FBXO16: variants seen among roughly 807,000 people sequenced by gnomAD.
The protein encoded by FBXO16 is F-box only protein 16.
FBXO16 carries 31 observed loss-of-function variants against 41.0 expected under a neutral mutation model. The ratio of observed to expected loss-of-function variants is 0.76; its 90% CI spans 0.57 to 1.02. FBXO16 has a LOEUF of 1.02. Ranked by LOEUF, FBXO16 falls within the 50% of genes least tolerant of loss-of-function variation. FBXO16 has a pLI of 0.00. For synonymous variants in FBXO16, 133 were observed against 117.8 expected (o/e 1.13, Z -0.84); for missense variants, 361 against 346.2 (o/e 1.04, Z -0.34).
At chr8:28,437,424 A>G (rs925948176) in intron 7 of FBXO16, among the ~76,000 whole-genome samples, 1 of 152,240 alleles carries the variant, frequency 6.6e-6, no homozygotes, top group Non-Finnish European at 1.5e-5. Context: ...TTTTGCCCCC[A>G]GGATTCTTCC....
intron 7 of FBXO16, among the ~76,000 whole-genome samples, chr8:28,442,370 T>G (rs1291686347): frequency 6.6e-6 from 1 of 151,992 alleles, no homozygotes; most frequent in Non-Finnish European, 1.5e-5. Flanking sequence ...CAATCAGGTC[T>G]AAGCTTTATT....
At chr8:28,451,380 G>GTTTTTTTTTTTTTTTTTTTT (rs67171132) in intron 6 of FBXO16, among the ~76,000 whole-genome samples, 1 of 138,704 alleles carries the variant, frequency 7.2e-6, no homozygotes. Context: ...CTTTGTTGTT[G>GTTTTTTTTTTTTTTTTTTTT]TTTTTTTTTT....
intron 3 of FBXO16, among the ~76,000 whole-genome samples, chr8:28,468,490 A>G (rs1277725033): frequency 1.3e-5 from 2 of 152,136 alleles, no homozygotes; most frequent in Non-Finnish European, 2.9e-5. Context: ...GAGTCCTATT[A>G]TCAAAAATTT....
At chr8:28,475,712 C>T (rs1052871337) in intron 2 of FBXO16, among the ~76,000 whole-genome samples, 2 of 152,078 alleles carry the variant, frequency 1.3e-5, no homozygotes, top group South Asian at 4.1e-4. Flanking sequence ...TTTATCTTCC[C>T]AAGTAGATTA....
intron 4 of FBXO16, among the ~76,000 whole-genome samples, chr8:28,458,215 C>T (rs1803067807): frequency 1.3e-5 from 2 of 152,214 alleles, no homozygotes; most frequent in East Asian, 3.8e-4. Context: ...CTCTGCCTCC[C>T]TCCTTCCACC....
chr8:28,481,575 G>A (rs1410822671), intron 2 of FBXO16, among the ~76,000 whole-genome samples: 2 of 151,816 alleles, frequency 1.3e-5, no homozygotes, highest in Admixed American at 6.6e-5. Context: ...ACTTTGGAAG[G>A]CTGAGGCGGG....
chr8:28,454,500 G>A (rs938200166), intron 5 of FBXO16, among the ~76,000 whole-genome samples: 17 of 151,474 alleles, frequency 1.1e-4, no homozygotes, highest in Admixed American at 8.5e-4. Context: ...AGGCCGAGGC[G>A]GGCGGATCAC....
intron 4 of FBXO16, among the ~76,000 whole-genome samples, chr8:28,457,224 T>C (rs1374006367): frequency 6.6e-6 from 1 of 152,220 alleles, no homozygotes; most frequent in Non-Finnish European, 1.5e-5. Context: ...GTAAGTACAA[T>C]TATTACTCTC....
chr8:28,482,763 G>T (rs1249499058), intron 2 of FBXO16, among the ~76,000 whole-genome samples: 3 of 150,862 alleles, frequency 2.0e-5, no homozygotes, highest in Non-Finnish European at 4.4e-5. Flanking sequence ...ATTTTTAGTA[G>T]AAACGGGGTT....
intron 1 of FBXO16, among the ~76,000 whole-genome samples, chr8:28,488,140 T>C (rs886841794): frequency 6.6e-6 from 1 of 152,134 alleles, no homozygotes; most frequent in African/African-American, 2.4e-5. Flanking sequence ...CATGAGCCAC[T>C]GCGCCCAGCC....
intron 3 of FBXO16, among the ~76,000 whole-genome samples, chr8:28,464,779 G>C (rs1042830391): frequency 6.6e-6 from 1 of 151,864 alleles, no homozygotes; most frequent in East Asian, 1.9e-4. Context: ...TCAGCCTCCC[G>C]AGTAGCTGGG....
At chr8:28,439,865 TATAAA>T (rs1802741409) in intron 7 of FBXO16, among the ~76,000 whole-genome samples, 1 of 21,592 alleles carries the variant, frequency 4.6e-5, no homozygotes, top group Non-Finnish European at 7.7e-5. Context: ...AACTCTGTTC[TATAAA>T]TTCTTCTGTT....
rs527602600 is a variant in FBXO16, at chr8:28,441,485, C to T, written c.843+5686G>A. 1.2e-4 allele frequency among the ~76,000 whole-genome samples: 18 copies of T among 152,256 alleles called. No homozygotes were observed. In the South Asian group the frequency reaches 3.7e-3, roughly 32 times the overall value. ...GCGCAGGGGCTCACGCCTGTAATCC[C>T]AGCACTTTGGGAGGCCAAGGTGGGT... On this transcript the variant is annotated intron_variant, in intron 7 of 8. Coordinates refer to ENST00000380254, the MANE Select transcript of FBXO16 (RefSeq NM_172366.4).
At position 28,429,386 on chromosome 8, in the gene FBXO16, G is replaced by A. The variant is rs775526978; in HGVS notation, c.861C>T (p.Pro287=). Residue 287 remains proline (P), a synonymous_variant, in exon 8 of 9, where the codon CCC becomes CCT. Coordinates refer to ENST00000380254, the MANE Select transcript of FBXO16 (RefSeq NM_172366.4). ...TCACAACCGAAACTCACAGTGGGAAGGGATTTCTCCTCGACATCTGGCCGC... is the reference window on the plus strand; with the variant it reads ...TCACAACCGAAACTCACAGTGGGAAAGGATTTCTCCTCGACATCTGGCCGC... ...KAQSMMSRRN[P]FPLCP 4 of 1,613,872 alleles carry A rather than the reference G, an allele frequency of 2.5e-6. No homozygotes were observed. In the African/African-American group the frequency reaches 4.0e-5, roughly 16 times the overall value.
intron 6 of FBXO16, among the ~76,000 whole-genome samples, chr8:28,450,261 T>C (rs538107223): frequency 1.3e-5 from 2 of 152,132 alleles, no homozygotes; most frequent in Admixed American, 6.5e-5. Context: ...AAACGGGATA[T>C]CTACATGCAA....
At chr8:28,485,180 T>C (rs1379150890) in intron 1 of FBXO16, among the ~76,000 whole-genome samples, 1 of 152,086 alleles carries the variant, frequency 6.6e-6, no homozygotes, top group East Asian at 1.9e-4. Flanking sequence ...ACTGGATATT[T>C]TTTATTTTTT....
chr8:28,444,390 C>T lies in FBXO16; in HGVS notation c.843+2781G>A, dbSNP rs546845125. On this transcript the variant is annotated intron_variant, in intron 7 of 8. Transcript: ENST00000380254. ...CGATCTCGGCTCACTGCAACCTCCG[C>T]CTCCAGGGTTCAAGCAATTCTCCTG... Among the ~76,000 whole-genome samples, 15 of 151,450 alleles carry T rather than the reference C, an allele frequency of 9.9e-5. No homozygotes were observed. The East Asian group carries it at 2.9e-3, about 29-fold the overall frequency.
chr8:28,484,559 A>C (rs1302012647), intron 1 of FBXO16, among the ~76,000 whole-genome samples: 2 of 152,194 alleles, frequency 1.3e-5, no homozygotes, highest in Non-Finnish European at 2.9e-5. Flanking sequence ...TTGGGCTGAC[A>C]ATAGCTTACT....
intron 8 of FBXO16, among the ~76,000 whole-genome samples, chr8:28,429,164 A>T (rs955992990): frequency 1.3e-5 from 2 of 152,150 alleles, no homozygotes; most frequent in Non-Finnish European, 2.9e-5. Flanking sequence ...TTTTTAAAAT[A>T]GATATTTTTT....
Sources: allele counts gnomAD v4.1 joint callset (sites outside exome capture counted in the v4.1 genomes callset), GRCh38; gene constraint gnomAD v4.1.1; transcripts MANE v1.5; gene names NCBI Gene and HGNC (gene_info 2026-07-23, HGNC 2026-07-21).